CCSER2: variants seen among roughly 807,000 people sequenced by gnomAD.
CCSER2 encodes the protein serine-rich coiled-coil domain-containing protein 2.
Under a neutral mutation model 92.3 loss-of-function variants are expected in CCSER2, and 46 were observed. The observed-to-expected ratio is 0.50, with a 90% confidence interval of 0.39 to 0.64. The LOEUF is 0.64. Among genes scored for constraint, CCSER2 ranks in the 30% least tolerant of loss-of-function variants. CCSER2 has a pLI of 0.00. For missense variants in CCSER2, 1,244 were observed against 1,238.9 expected (o/e 1.00, Z -0.06); for synonymous variants, 433 against 431.4 (o/e 1.00, Z -0.04).
At chr10:84,499,900 C>G in intron 9 of CCSER2, 1 of 1,614,092 alleles carries the variant, frequency 6.2e-7, no homozygotes, top group Non-Finnish European at 8.5e-7. Flanking sequence ...CCCTCCTTCT[C>G]TCCTTGGCAG....
chr10:84,499,171 T>C (rs1848594276), intron 9 of CCSER2, among the ~76,000 whole-genome samples: 1 of 152,196 alleles, frequency 6.6e-6, no homozygotes, highest in Non-Finnish European at 1.5e-5. Context: ...AGTCTTGCTC[T>C]GTTGCCCAGG....
At chr10:84,334,407 A>G (rs1189346543) in intron 1 of CCSER2, among the ~76,000 whole-genome samples, 1 of 152,090 alleles carries the variant, frequency 6.6e-6, no homozygotes, top group African/African-American at 2.4e-5. Flanking sequence ...CAATCATAGT[A>G]TGTGAGATGT....
At chr10:84,507,260 C>T in intron 9 of CCSER2, 3 of 974,590 alleles carry the variant, frequency 3.1e-6, no homozygotes, top group Non-Finnish European at 3.7e-6. Context: ...CTGTCTTTTT[C>T]TTGTCTCTGC....
chr10:84,450,660 TGA>T (rs900610384), intron 6 of CCSER2, among the ~76,000 whole-genome samples: 6 of 152,192 alleles, frequency 3.9e-5, no homozygotes. Flanking sequence ...ATAAATTTAC[TGA>T]GAGACATTTG....
chr10:84,513,379 T>C, intron 9 of CCSER2, 70 bp from the exon 10 acceptor site: 4 of 1,163,478 alleles, frequency 3.4e-6, no homozygotes, highest in African/African-American at 1.5e-5. Context: ...CACAGCCTAA[T>C]TGGTATTTAT....
intron 1 of CCSER2, among the ~76,000 whole-genome samples, chr10:84,344,217 T>C (rs1228941470): frequency 6.6e-6 from 1 of 152,206 alleles, no homozygotes; most frequent in East Asian, 1.9e-4. Context: ...ATTTGTCTTA[T>C]TTGTGCCGTC....
intron 1 of CCSER2, among the ~76,000 whole-genome samples, chr10:84,363,856 G>A (rs1273335842): frequency 6.6e-6 from 1 of 152,156 alleles, no homozygotes. Context: ...TGCCTCCTTA[G>A]GCCATTGTTG....
intron 6 of CCSER2, 143 bp downstream of exon 6, chr10:84,438,850 A>G (rs1269320469): frequency 3.7e-6 from 2 of 541,668 alleles, no homozygotes; most frequent in Non-Finnish European, 6.3e-6. Context: ...AGTATATAGT[A>G]GAAAGTTTTG....
chr10:84,477,688 T>G, intron 9 of CCSER2, 24 bp downstream of exon 9: 5 of 1,219,130 alleles, frequency 4.1e-6, no homozygotes, highest in Non-Finnish European at 6.0e-6. Flanking sequence ...GCTCTTAGCC[T>G]CCTCTCCAGT....
intron 5 of CCSER2, among the ~76,000 whole-genome samples, chr10:84,436,105 G>A (rs541629419): frequency 2.0e-5 from 3 of 152,026 alleles, no homozygotes; most frequent in East Asian, 1.9e-4. Flanking sequence ...CGAGGCGGGC[G>A]AATCACGAGG....
At chr10:84,379,810 T>A (rs1003617505) in intron 3 of CCSER2, among the ~76,000 whole-genome samples, 1 of 152,180 alleles carries the variant, frequency 6.6e-6, no homozygotes, top group African/African-American at 2.4e-5. Context: ...TGTGTATTTG[T>A]ATTGTAGTTC....
At chr10:84,346,746 T>C (rs1844499432) in intron 1 of CCSER2, among the ~76,000 whole-genome samples, 1 of 145,252 alleles carries the variant, frequency 6.9e-6, no homozygotes, top group South Asian at 2.1e-4. Context: ...TTGGCAATCC[T>C]CATTTCTTTT....
chr10:84,477,043 A>G (rs932909615), intron 8 of CCSER2, among the ~76,000 whole-genome samples: 1 of 152,216 alleles, frequency 6.6e-6, no homozygotes, highest in Non-Finnish European at 1.5e-5. Flanking sequence ...ATATGGATTT[A>G]AGAAACTGAG....
chr10:84,364,207 T>C (rs1427164798), intron 1 of CCSER2, among the ~76,000 whole-genome samples: 1 of 152,186 alleles, frequency 6.6e-6, no homozygotes, highest in Non-Finnish European at 1.5e-5. Context: ...TGCACACTAG[T>C]ATAGACTTTA....
intron 1 of CCSER2, among the ~76,000 whole-genome samples, chr10:84,367,088 A>G (rs1430398330): frequency 6.6e-6 from 1 of 152,168 alleles, no homozygotes; most frequent in Non-Finnish European, 1.5e-5. Flanking sequence ...AAAATTTTTT[A>G]AAGGTGATTT....
chr10:84,466,444 G>GTT (rs1426325975), intron 7 of CCSER2, among the ~76,000 whole-genome samples: 1 of 151,120 alleles, frequency 6.6e-6, no homozygotes, highest in African/African-American at 2.4e-5. Context: ...GTAGCCTTAT[G>GTT]TTTGTTCATC....
chr10:84,359,613 A>G (rs141497936), intron 1 of CCSER2, among the ~76,000 whole-genome samples: 1 of 152,084 alleles, frequency 6.6e-6, no homozygotes, highest in Non-Finnish European at 1.5e-5. Flanking sequence ...CTAATTCAAG[A>G]GTCCTTTGTC....
Position 84,488,593 on chromosome 10 carries a change from G to T in CCSER2, c.2325+10929G>T, listed in dbSNP as rs141119897. The stretch of plus-strand genomic sequence containing the variant: ...TGTGGGATCAGTGGTGATATCCCCT[G>T]TATCATTTTAATTGCGTCTATTTGA... On this transcript the variant is annotated intron_variant, in intron 9 of 9. Coordinates refer to ENST00000372088, the MANE Select transcript of CCSER2 (RefSeq NM_001284240.2). Among the ~76,000 whole-genome samples, 428 of 152,112 alleles carry T rather than the reference G, an allele frequency of 2.8e-3. 2 individuals carry two copies. Among genetic ancestry groups the T allele is most frequent in the African/African-American group, 9.8e-3 (409 of 41,528 alleles).
chr10:84,423,076 T>C (rs1191967411), intron 4 of CCSER2, among the ~76,000 whole-genome samples: 1 of 151,934 alleles, frequency 6.6e-6, no homozygotes, highest in African/African-American at 2.4e-5. Context: ...AAAAATTGTC[T>C]CTGGAAACCG....
Sources: allele counts gnomAD v4.1 joint callset (sites outside exome capture counted in the v4.1 genomes callset), GRCh38; gene constraint gnomAD v4.1.1; transcripts MANE v1.5; gene names NCBI Gene and HGNC (gene_info 2026-07-23, HGNC 2026-07-21).